GSDMA: variants seen among roughly 807,000 people sequenced by gnomAD.
GSDMA encodes gasdermin-A.
A neutral mutation model predicts 54.3 loss-of-function variants in GSDMA; 55 were observed. That is an observed-to-expected ratio of 1.01 (90% CI 0.82 to 1.27). The LOEUF (loss-of-function observed/expected upper bound fraction) is 1.27, where lower values mean the gene tolerates loss of function less well. Ranked by LOEUF, GSDMA falls within the 50% of genes most tolerant of loss-of-function variation. GSDMA has a pLI of 0.00. For synonymous variants in GSDMA, 211 were observed against 224.7 expected, an observed-to-expected ratio of 0.94 and a Z score of 0.54; for missense variants, 542 against 542.6, an observed-to-expected ratio of 1.00 and a Z score of 0.01.
At chr17:39,976,026 G>C in intron 11 of GSDMA, 29 bp downstream of exon 11, 4 of 1,515,444 alleles carry the variant, frequency 2.6e-6, no homozygotes, top group Non-Finnish European at 3.6e-6. Flanking sequence ...ATGCTGGGGA[G>C]AGTCTGGGAG....
At chr17:39,966,686 T>C (rs1979686987) in intron 3 of GSDMA, among the ~76,000 whole-genome samples, 1 of 152,204 alleles carries the variant, frequency 6.6e-6, no homozygotes, top group East Asian at 1.9e-4. Context: ...ACAGGGAAGA[T>C]GATGTCCACA....
chr17:39,973,698 C>A, intron 7 of GSDMA, 112 bp from the exon 8 acceptor site: 2 of 879,154 alleles, frequency 2.3e-6, no homozygotes, highest in South Asian at 1.7e-5. Flanking sequence ...TGGGCTCTCC[C>A]AGGAGACAGG....
At chr17:39,964,716 A>T (rs1487386922) in intron 1 of GSDMA, among the ~76,000 whole-genome samples, 1 of 152,148 alleles carries the variant, frequency 6.6e-6, no homozygotes, top group African/African-American at 2.4e-5. Context: ...GGGCAGGTGA[A>T]CAGCTTGGCC....
At chr17:39,967,449 C>T (rs2144786537) in intron 3 of GSDMA, among the ~76,000 whole-genome samples, 1 of 152,272 alleles carries the variant, frequency 6.6e-6, no homozygotes, top group East Asian at 1.9e-4. Flanking sequence ...GAACAGCCAG[C>T]ATAGCAGGGG....
At chr17:39,968,501 C>G (rs1365442441) in intron 3 of GSDMA, among the ~76,000 whole-genome samples, 1 of 151,778 alleles carries the variant, frequency 6.6e-6, no homozygotes, top group African/African-American at 2.4e-5. Flanking sequence ...GCGCACGCCA[C>G]TACATCCAGC....
chr17:39,966,466 C>G (rs371854893), intron 3 of GSDMA, 29 bp downstream of exon 3: 12 of 1,560,728 alleles, frequency 7.7e-6, no homozygotes, highest in Non-Finnish European at 1.0e-5. Flanking sequence ...GAGGGTCTCC[C>G]GGGATGTGGG....
intron 11 of GSDMA, 85 bp from the exon 12 acceptor site, chr17:39,976,731 A>T: frequency 2.6e-6 from 4 of 1,552,662 alleles, no homozygotes; most frequent in Non-Finnish European, 3.5e-6. Flanking sequence ...AATAAGGGGA[A>T]TGTAACCTTC....
intron 5 of GSDMA, among the ~76,000 whole-genome samples, 171 bp downstream of exon 5, chr17:39,971,791 C>G (rs1202496651): frequency 6.6e-6 from 1 of 152,138 alleles, no homozygotes; most frequent in South Asian, 2.1e-4. Context: ...GAAGAGGCTC[C>G]TGGATTCTGA....
At chr17:39,965,530 C>T in intron 1 of GSDMA, 153 bp from the exon 2 acceptor site, 1 of 619,192 alleles carries the variant, frequency 1.6e-6, no homozygotes, top group Non-Finnish European at 2.9e-6. Context: ...TTGATTCTTT[C>T]CAGCTGTGAC....
intron 1 of GSDMA, among the ~76,000 whole-genome samples, chr17:39,965,260 GAGAA>G (rs1375327357): frequency 7.0e-5 from 9 of 129,182 alleles, no homozygotes; most frequent in South Asian, 2.6e-4. Context: ...GAGGGAGGGA[GAGAA>G]AGAAAGAAGG....
intron 9 of GSDMA, among the ~76,000 whole-genome samples, chr17:39,974,644 G>C (rs759049618): frequency 6.6e-6 from 1 of 152,208 alleles, no homozygotes; most frequent in Admixed American, 6.5e-5. Flanking sequence ...GGCAAACAGT[G>C]GGTTCCCCCA....
At chr17:39,964,426 A>T (rs1979543369) in intron 1 of GSDMA, among the ~76,000 whole-genome samples, 1 of 152,024 alleles carries the variant, frequency 6.6e-6, no homozygotes, top group African/African-American at 2.4e-5. Flanking sequence ...AAAATTAGCC[A>T]GGCGTGGTGG....
chr17:39,967,829 C>T (rs918947530), intron 3 of GSDMA, among the ~76,000 whole-genome samples: 6 of 151,930 alleles, frequency 3.9e-5, no homozygotes, highest in South Asian at 4.2e-4. Context: ...CCCGCCACTA[C>T]GCCCGGATAA....
chr17:39,965,647 C>G (rs1979611027), intron 1 of GSDMA, 36 bp from the exon 2 acceptor site: 1 of 1,530,330 alleles, frequency 6.5e-7, no homozygotes, highest in African/African-American at 1.4e-5. Flanking sequence ...GCCTTGGCAG[C>G]CACCTTGACA....
At chr17:39,965,229 G>GA (rs1477902921) in intron 1 of GSDMA, among the ~76,000 whole-genome samples, 1 of 105,180 alleles carries the variant, frequency 9.5e-6, no homozygotes, top group Non-Finnish European at 1.8e-5. Flanking sequence ...AAGAAAGAAA[G>GA]AAGGAAGGAA....
intron 6 of GSDMA, 83 bp downstream of exon 6, chr17:39,972,259 C>A: frequency 1.1e-6 from 1 of 948,472 alleles, no homozygotes; most frequent in Non-Finnish European, 1.7e-6. Context: ...CCTCTCCTAG[C>A]TTATACTATA....
Position 39,976,805 on chromosome 17 carries a change from ATTCCCT to A in GSDMA, c.1096-10_1096-5del, listed in dbSNP as rs1980217600. The A allele has an allele frequency of 4.3e-6, 7 of 1,613,368 alleles. No individual in the cohort carries two copies. In the East Asian group the frequency reaches 1.6e-4, roughly 36 times the overall value. ...AGTTCTTTCTTTTCATGCTGTTTTG[ATTCCCT>A]CCAGGTGGAGAGCACGATGGAACAG... On this transcript the variant is annotated splice_region_variant and splice_polypyrimidine_tract_variant and intron_variant, in intron 11 of 11. Coordinates refer to ENST00000301659, the MANE Select transcript of GSDMA (RefSeq NM_178171.5).
chr17:39,972,120 C>T lies in GSDMA; in HGVS notation c.656-9C>T, dbSNP rs1367782525. 1.5e-6 allele frequency: 2 copies of T among 1,362,968 alleles called. No individual in the cohort carries two copies. Among genetic ancestry groups the T allele is most frequent in the Non-Finnish European group, 2.1e-6 (2 of 960,882 alleles). 84.4% of individuals were successfully genotyped at this position (1,362,968 alleles called of 1,614,324 possible). A position where few individuals can be genotyped will look rare whatever the true frequency, so the allele number is the denominator to read the frequency against. Reference sequence around the variant, plus strand: ...TGTCCTCCCACCCTCCCTCCCTTGCCCTTCACAGATATTCCACATATCTGC... The same window carrying T: ...TGTCCTCCCACCCTCCCTCCCTTGCTCTTCACAGATATTCCACATATCTGC... On this transcript the variant is annotated splice_polypyrimidine_tract_variant and intron_variant, in intron 5 of 11. Coordinates refer to ENST00000301659, the MANE Select transcript of GSDMA (RefSeq NM_178171.5).
At chr17:39,965,372 C>T (rs1019621316) in intron 1 of GSDMA, among the ~76,000 whole-genome samples, 4 of 151,912 alleles carry the variant, frequency 2.6e-5, no homozygotes, top group African/African-American at 4.8e-5. Context: ...AGCTGGGCTC[C>T]GTGGCAGTGA....
Sources: allele counts gnomAD v4.1 joint callset (sites outside exome capture counted in the v4.1 genomes callset), GRCh38; gene constraint gnomAD v4.1.1; transcripts MANE v1.5; gene names NCBI Gene and HGNC (gene_info 2026-07-23, HGNC 2026-07-21).